Variants in HLA-F observed in about 807,000 individuals in gnomAD.
The protein encoded by HLA-F is major histocompatibility complex, class I, F.
A neutral mutation model predicts 49.5 loss-of-function variants in HLA-F; 46 were observed. The ratio of observed to expected loss-of-function variants is 0.93; its 90% CI spans 0.73 to 1.19. The LOEUF is 1.19. Among genes scored for constraint, HLA-F ranks in the 50% most tolerant of loss-of-function variants. HLA-F has a pLI of 0.00. For missense variants in HLA-F, 496 were observed against 579.6 expected (o/e 0.86, Z 1.48); for synonymous variants, 203 against 233.5 (o/e 0.87, Z 1.19).
rs1776161856 is a variant in HLA-F, at chr6:29,726,977, G to C, written c.1131G>C (p.Arg377=). The C allele has an allele frequency of 6.2e-7, 1 of 1,613,136 alleles. No homozygotes were observed. The highest frequency in any genetic ancestry group is 1.1e-5 in the South Asian group (1 of 91,090). ...VLFQGYLGCL[R]SHSVLGRRKV... is the part of the protein sequence containing the mutation. ...TCCAAGGATATTTGGGCTGCCTCCG[G>C]AGTCACAGTGTCTTGGGCCGCCGGA... Residue 377 remains arginine, a synonymous_variant, in exon 7 of 7, where the codon CGG becomes CGC. Coordinates refer to ENST00000259951, the MANE Select transcript of HLA-F (RefSeq NM_001098479.2).
downstream of HLA-F, among the ~76,000 whole-genome samples, chr6:29,727,574 T>C (rs890351670): frequency 2.0e-5 from 3 of 152,180 alleles, no homozygotes; most frequent in African/African-American, 7.2e-5. Flanking sequence ...CTATGCCTCC[T>C]AAGGACCTAT....
intron 6 of HLA-F, 176 bp from the exon 7 acceptor site, chr6:29,726,707 C>T (rs1776129049): frequency 3.1e-6 from 4 of 1,273,302 alleles, no homozygotes; most frequent in East Asian, 2.3e-5. Flanking sequence ...ACCAAAGCAT[C>T]GTAGTCAGGA....
At chr6:29,729,312 G>T (rs1337232461), downstream of HLA-F, 1 of 152,078 alleles carries the variant, frequency 6.6e-6, no homozygotes, top group Non-Finnish European at 1.5e-5. Context: ...ATCACCTGTG[G>T]AGTAAAGACA....
intron 3 of HLA-F, among the ~76,000 whole-genome samples, chr6:29,737,218 CAAAAAA>C (rs3030698): frequency 1.7e-4 from 11 of 65,192 alleles, no homozygotes; most frequent in East Asian, 5.3e-4. Flanking sequence ...ATCCTCATGG[CAAAAAA>C]AAAAAAAAAA....
intron 3 of HLA-F, chr6:29,737,653 G>C (rs1468907124): frequency 6.6e-6 from 1 of 152,082 alleles, no homozygotes; most frequent in Non-Finnish European, 1.5e-5. Flanking sequence ...TATCTTTTAT[G>C]GTACCCGTGG....
Position 29,725,033 on chromosome 6 carries a change from C to G in HLA-F, c.613C>G (p.Pro205Ala). 6.2e-7 allele frequency: 1 copy of G among 1,612,766 alleles called. No homozygotes were observed. The highest frequency in any genetic ancestry group is 1.1e-5 in the South Asian group (1 of 91,040). ...NGKETLQRADPPKAHVAHHPI... is the reference protein window; with the variant it reads ...NGKETLQRADAPKAHVAHHPI... ...CTGAATTTTCTGACTCTTCTCAGAT[C>G]CTCCAAAGGCACACGTTGCCCACCA... The change falls in exon 4 of 7, where the codon CCT becomes GCT. Residue 205 changes from proline to alanine, a missense_variant and splice_region_variant. Transcript: ENST00000259951.
chr6:29,734,862 T>G (rs1776921038), intron 3 of HLA-F, among the ~76,000 whole-genome samples: 1 of 152,180 alleles, frequency 6.6e-6, no homozygotes, highest in Admixed American at 6.5e-5. Context: ...AAGTCTGCTT[T>G]CTTTCTCTAT....
chr6:29,735,923 A>C (rs970408631), intron 3 of HLA-F: 7 of 152,244 alleles, frequency 4.6e-5, no homozygotes, highest in Admixed American at 4.6e-4. Flanking sequence ...TCCATTCTGC[A>C]TGGTGAAATT....
chr6:29,726,198 C>A, intron 6 of HLA-F, 155 bp downstream of exon 6: 1 of 942,104 alleles, frequency 1.1e-6, no homozygotes, highest in Non-Finnish European at 1.8e-6. Context: ...GTGCCCAGGG[C>A]TCTGGGGTGT....
intron 6 of HLA-F, chr6:29,726,277 C>G (rs766046513): frequency 1.5e-5 from 16 of 1,073,770 alleles, no homozygotes; most frequent in Admixed American, 3.4e-5. Context: ...TGGGGGGGAA[C>G]AGAGGGGACT....
chr6:29,725,994 A>G lies in HLA-F; in HGVS notation c.1004-17A>G. 3 of 1,614,016 alleles carry G rather than the reference A, an allele frequency of 1.9e-6. No individual in the cohort carries two copies. Among genetic ancestry groups the G allele is most frequent in the Non-Finnish European group, 2.5e-6 (3 of 1,179,888 alleles). ...TGCCTCCTTTCTGGCCTCTCACAGG[A>G]CATTTTCTTCCCATAGATAGAAACA... On this transcript the variant is annotated splice_polypyrimidine_tract_variant and intron_variant, in intron 5 of 6. Transcript: ENST00000259951.
At chr6:29,734,091 T>C (rs1367318019) in intron 3 of HLA-F, among the ~76,000 whole-genome samples, 1 of 152,158 alleles carries the variant, frequency 6.6e-6, no homozygotes, top group Non-Finnish European at 1.5e-5. Context: ...GAAGAGCAAC[T>C]GAGAACCCTG....
chr6:29,734,428 C>A (rs1269438384), intron 3 of HLA-F, among the ~76,000 whole-genome samples: 1 of 152,136 alleles, frequency 6.6e-6, no homozygotes, highest in Non-Finnish European at 1.5e-5. Flanking sequence ...CAGAGTTGCA[C>A]CTGAGCATTT....
chr6:29,724,922 C>T, intron 3 of HLA-F, 109 bp from the exon 4 acceptor site: 4 of 1,268,340 alleles, frequency 3.2e-6, no homozygotes, highest in Non-Finnish European at 3.3e-6. Flanking sequence ...GGGTTCTGTG[C>T]TCCCTTCCCC....
At position 29,723,822 on chromosome 6, in the gene HLA-F, G is replaced by A; in HGVS notation, c.229G>A (p.Gly77Arg). The change falls in exon 2 of 7, where the codon GGG becomes AGG. Residue 77 changes from glycine to arginine, a missense_variant. Physicochemically the swap from Gly to Arg is moderately radical, Grantham distance 125. Coordinates refer to ENST00000259951, the MANE Select transcript of HLA-F (RefSeq NM_001098479.2). ...EPREPWVEQE[G>R]PQYWEWTTGY... The stretch of plus-strand genomic sequence containing the variant: ...GCGGGAGCCGTGGGTGGAGCAAGAG[G>A]GGCCGCAGTATTGGGAGTGGACCAC... The A allele has an allele frequency of 1.2e-6, 2 of 1,603,564 alleles. No homozygotes were observed. The highest frequency in any genetic ancestry group is 1.3e-5 in the African/African-American group (1 of 74,740).
Position 29,724,241 on chromosome 6 carries a change from C to T in HLA-F, c.403C>T (p.His135Tyr), listed in dbSNP as rs758473271. 2.5e-6 allele frequency: 4 copies of T among 1,613,026 alleles called. No individual in the cohort carries two copies. In the Admixed American group the frequency reaches 6.7e-5, roughly 27 times the overall value. ...GPDGRLLRGY[H>Y]QHAYDGKDYI... is the part of the protein sequence containing the mutation. ...CGACGGACGCCTCCTCCGCGGGTAT[C>T]ACCAGCACGCGTACGACGGCAAGGA... Residue 135 changes from histidine (H) to tyrosine (Y), a missense_variant, in exon 3 of 7, where the codon CAC becomes TAC. Coordinates refer to ENST00000259951, the MANE Select transcript of HLA-F (RefSeq NM_001098479.2).
At chr6:29,729,463 C>T (rs9295810), downstream of HLA-F, 13 of 152,122 alleles carry the variant, frequency 8.5e-5, no homozygotes, top group Non-Finnish European at 1.6e-4. Context: ...CATAGCATCA[C>T]CTTACACCAT....
chr6:29,737,029 C>A (rs977284213), intron 3 of HLA-F, among the ~76,000 whole-genome samples: 7 of 151,908 alleles, frequency 4.6e-5, no homozygotes, highest in Non-Finnish European at 1.0e-4. Flanking sequence ...GAGGGTAAAT[C>A]TTTTATTTTA....
intron 3 of HLA-F, chr6:29,735,831 GTTTA>G (rs778397665): frequency 6.6e-6 from 1 of 151,932 alleles, no homozygotes; most frequent in South Asian, 2.1e-4. Context: ...TTAAAGTTCT[GTTTA>G]TTTTTCTTCA....
Sources: gnomAD v4.1 joint callset for allele counts (sites outside exome capture counted in the v4.1 genomes callset) on GRCh38, gnomAD v4.1.1 for gene constraint, MANE v1.5 for transcripts, NCBI Gene and HGNC (gene_info 2026-07-23, HGNC 2026-07-21) for gene names.